Variants in NKAIN3 observed in about 807,000 individuals in gnomAD.
The protein encoded by NKAIN3 is sodium/potassium transporting ATPase interacting 3, also known as sodium/potassium-transporting ATPase subunit beta-1-interacting protein 3.
A neutral mutation model predicts 30.2 loss-of-function variants in NKAIN3; 25 were observed. The observed-to-expected ratio is 0.83, with a 90% CI of 0.60 to 1.16. NKAIN3 has a LOEUF of 1.16. Ranked by LOEUF, NKAIN3 falls within the 50% of genes most tolerant of loss-of-function variation. The probability of loss-of-function intolerance (pLI) is 0.00; values close to 1 mark genes in which losing one functional copy is unlikely to be tolerated. For missense variants in NKAIN3, 225 were observed against 254.1 expected, an observed-to-expected ratio of 0.89 and a Z score of 0.78; for synonymous variants, 91 against 89.6, an observed-to-expected ratio of 1.02 and a Z score of -0.09.
At chr8:62,754,483 T>C (rs559514302) in intron 4 of NKAIN3, among the ~76,000 whole-genome samples, 2 of 152,300 alleles carry the variant, frequency 1.3e-5, no homozygotes, top group African/African-American at 4.8e-5. Flanking sequence ...TTGATTTCTC[T>C]TTGCAGCTAA....
intron 4 of NKAIN3, among the ~76,000 whole-genome samples, chr8:62,858,586 A>G (rs1035457462): frequency 3.3e-5 from 5 of 152,144 alleles, no homozygotes; most frequent in African/African-American, 1.2e-4. Context: ...GTCTCACCCA[A>G]TGAGGGGGAA....
chr8:62,659,070 G>A (rs1470713614), intron 3 of NKAIN3, among the ~76,000 whole-genome samples: 1 of 152,156 alleles, frequency 6.6e-6, no homozygotes, highest in Non-Finnish European at 1.5e-5. Context: ...ATTTTAGTCA[G>A]AAATCATTTG....
intron 1 of NKAIN3, among the ~76,000 whole-genome samples, chr8:62,433,553 A>G (rs781264076): frequency 6.6e-6 from 1 of 152,108 alleles, no homozygotes; most frequent in Non-Finnish European, 1.5e-5. Flanking sequence ...CGGTTTTACA[A>G]AGCTCTATTA....
At chr8:62,483,249 A>G (rs1806781764) in intron 1 of NKAIN3, 1 of 152,390 alleles carries the variant, frequency 6.6e-6, no homozygotes, top group South Asian at 2.1e-4. Flanking sequence ...GTTAGTCACT[A>G]CCACAAGCAA....
intron 1 of NKAIN3, among the ~76,000 whole-genome samples, chr8:62,577,957 C>T (rs1295204636): frequency 6.6e-6 from 1 of 152,010 alleles, no homozygotes; most frequent in African/African-American, 2.4e-5. Flanking sequence ...GGATAGAGGA[C>T]ATTTCTTTAT....
At chr8:62,870,241 TATAG>T (rs1350857152) in intron 4 of NKAIN3, among the ~76,000 whole-genome samples, 100 of 109,416 alleles carry the variant, frequency 9.1e-4, no homozygotes, top group African/African-American at 3.3e-3. Context: ...TATAGATATC[TATAG>T]ATATCTATAT....
At chr8:62,577,654 T>G (rs1173284466) in intron 1 of NKAIN3, among the ~76,000 whole-genome samples, 2 of 151,184 alleles carry the variant, frequency 1.3e-5, no homozygotes, top group Non-Finnish European at 1.5e-5. Flanking sequence ...GAACTAATTT[T>G]TAGAGAAAGG....
intron 3 of NKAIN3, among the ~76,000 whole-genome samples, chr8:62,606,065 G>A (rs994600973): frequency 2.0e-5 from 3 of 151,966 alleles, no homozygotes; most frequent in Admixed American, 6.6e-5. Context: ...AGTGCTTTTC[G>A]TTGCCACTCT....
intron 1 of NKAIN3, among the ~76,000 whole-genome samples, chr8:62,507,807 C>G (rs1367272321): frequency 6.6e-6 from 1 of 152,138 alleles, no homozygotes; most frequent in African/African-American, 2.4e-5. Flanking sequence ...GTACTCGGCT[C>G]CCGACTGCAA....
intron 1 of NKAIN3, chr8:62,483,356 C>T (rs1806787513): frequency 9.9e-6 from 2 of 201,742 alleles, no homozygotes; most frequent in Non-Finnish European, 2.1e-5. Flanking sequence ...GGAATGCACC[C>T]TGGCAGACTT....
At chr8:62,994,435 G>A (rs1221867089) in intron 5 of NKAIN3, among the ~76,000 whole-genome samples, 2 of 152,166 alleles carry the variant, frequency 1.3e-5, no homozygotes, top group Non-Finnish European at 2.9e-5. Context: ...TCTCAGGAAT[G>A]ATGTAAAAGA....
intron 1 of NKAIN3, among the ~76,000 whole-genome samples, chr8:62,372,390 A>G (rs1766382194): frequency 6.6e-6 from 1 of 151,924 alleles, no homozygotes; most frequent in Non-Finnish European, 1.5e-5. Context: ...AAGTTAAGTC[A>G]TTATTTTCTC....
intron 4 of NKAIN3, among the ~76,000 whole-genome samples, chr8:62,813,764 C>A (rs914324366): frequency 3.3e-5 from 5 of 151,982 alleles, no homozygotes; most frequent in East Asian, 1.9e-4. Context: ...TAACTGGGCA[C>A]GTTTTCATGA....
chr8:62,408,754 G>A (rs1804151803), intron 1 of NKAIN3, among the ~76,000 whole-genome samples: 1 of 152,150 alleles, frequency 6.6e-6, no homozygotes, highest in African/African-American at 2.4e-5. Flanking sequence ...GCATTATGGA[G>A]GAAAGTGAAA....
chr8:62,858,031 T>A (rs1320112655), intron 4 of NKAIN3, among the ~76,000 whole-genome samples: 1 of 46,918 alleles, frequency 2.1e-5, no homozygotes, highest in Non-Finnish European at 4.4e-5. Context: ...TCACAGGGAT[T>A]TTTTCTTGTT....
chr8:62,614,678 G>A (rs1373689107), intron 3 of NKAIN3, among the ~76,000 whole-genome samples: 1 of 152,120 alleles, frequency 6.6e-6, no homozygotes, highest in African/African-American at 2.4e-5. Flanking sequence ...TCTACCTTGT[G>A]TTCTATTGTA....
At chr8:62,849,008 A>G (rs1313790481) in intron 4 of NKAIN3, among the ~76,000 whole-genome samples, 1 of 152,160 alleles carries the variant, frequency 6.6e-6, no homozygotes, top group Non-Finnish European at 1.5e-5. Flanking sequence ...CTCAGAGATG[A>G]AGCCAACTTG....
At chr8:62,669,993 C>T (rs149695650) in intron 3 of NKAIN3, among the ~76,000 whole-genome samples, 3 of 152,154 alleles carry the variant, frequency 2.0e-5, no homozygotes, top group African/African-American at 7.2e-5. Flanking sequence ...ATGTTTTTTT[C>T]CACAAAAGTT....
At chr8:62,830,888 T>C (rs981905159) in intron 4 of NKAIN3, among the ~76,000 whole-genome samples, 8 of 152,198 alleles carry the variant, frequency 5.3e-5, no homozygotes, top group Non-Finnish European at 8.8e-5. Flanking sequence ...GTGCCTGCCA[T>C]TGGTGGACCT....
Sources: allele counts gnomAD v4.1 joint callset (sites outside exome capture counted in the v4.1 genomes callset), GRCh38; gene constraint gnomAD v4.1.1; transcripts MANE v1.5; gene names NCBI Gene and HGNC (gene_info 2026-07-23, HGNC 2026-07-21).